TTC39B: variants seen among roughly 807,000 people sequenced by gnomAD.
TTC39B encodes the protein tetratricopeptide repeat protein 39B.
A neutral mutation model predicts 96.6 loss-of-function variants in TTC39B; 92 were observed. That is an observed-to-expected ratio of 0.95 (90% CI 0.80 to 1.13). TTC39B has a LOEUF of 1.13. TTC39B is among the 50% of genes most tolerant of loss of function. TTC39B has a pLI of 0.00. For synonymous variants in TTC39B, 367 were observed against 299.4 expected, an observed-to-expected ratio of 1.23 and a Z score of -2.33; for missense variants, 955 against 809.3, an observed-to-expected ratio of 1.18 and a Z score of -2.18.
chr9:15,186,971 G>C, exon 15 of TTC39B: 1 of 1,613,630 alleles, frequency 6.2e-7, no homozygotes, highest in Non-Finnish European at 8.5e-7. Context: ...ATTCTCATTC[G>C]TTGCTACTAC....
chr9:15,262,729 T>A (rs1275663140), intron 2 of TTC39B, among the ~76,000 whole-genome samples: 2 of 152,192 alleles, frequency 1.3e-5, no homozygotes, highest in African/African-American at 4.8e-5. Flanking sequence ...GCCTCCTTCA[T>A]CTGTTAGTGT....
exon 10 of TTC39B, chr9:15,191,224 C>A (rs776177490): frequency 6.2e-7 from 1 of 1,610,052 alleles, no homozygotes; most frequent in Non-Finnish European, 8.5e-7. Flanking sequence ...TTCTAGTAGT[C>A]TGATAATCCT....
intron 2 of TTC39B, among the ~76,000 whole-genome samples, chr9:15,264,183 G>C (rs567502521): frequency 6.6e-6 from 1 of 152,098 alleles, no homozygotes; most frequent in Non-Finnish European, 1.5e-5. Context: ...AATGCTTCTC[G>C]AATTCCCCAC....
intron 1 of TTC39B, among the ~76,000 whole-genome samples, chr9:15,303,686 A>G (rs760077795): frequency 6.6e-6 from 1 of 151,724 alleles, no homozygotes; most frequent in Non-Finnish European, 1.5e-5. Context: ...CCGCTGGAGT[A>G]CAATGGTGCG....
At chr9:15,247,866 A>AG (rs946735102) in intron 2 of TTC39B, among the ~76,000 whole-genome samples, 95 of 151,070 alleles carry the variant, frequency 6.3e-4, no homozygotes, top group African/African-American at 2.3e-3. Context: ...AAAAAAAACG[A>AG]GGGGGCTCCC....
chr9:15,167,900 A>G (rs772416018), exon 20 of TTC39B: 1 of 152,228 alleles, frequency 6.6e-6, no homozygotes, highest in Non-Finnish European at 1.5e-5. Flanking sequence ...TTAATCTAGT[A>G]CATAAGGAGT....
chr9:15,232,645 A>T (rs1821489942), intron 2 of TTC39B, among the ~76,000 whole-genome samples: 1 of 152,182 alleles, frequency 6.6e-6, no homozygotes, highest in Non-Finnish European at 1.5e-5. Context: ...TAATCCAAGA[A>T]ATGAGGGAAG....
chr9:15,282,061 T>A (rs1285054646), intron 1 of TTC39B, among the ~76,000 whole-genome samples: 1 of 152,198 alleles, frequency 6.6e-6, no homozygotes, highest in African/African-American at 2.4e-5. Flanking sequence ...TTAAAAGAAA[T>A]TTAACTATAA....
intron 16 of TTC39B, among the ~76,000 whole-genome samples, chr9:15,183,693 T>A (rs1426241310): frequency 1.3e-5 from 2 of 152,170 alleles, no homozygotes; most frequent in Non-Finnish European, 2.9e-5. Context: ...ACCTTCCCAG[T>A]GCAAATCACT....
intron 3 of TTC39B, among the ~76,000 whole-genome samples, chr9:15,220,592 G>T (rs1199257057): frequency 6.6e-6 from 1 of 151,944 alleles, no homozygotes; most frequent in Non-Finnish European, 1.5e-5. Context: ...GCAATAAAAG[G>T]AATGATATAA....
chr9:15,299,593 C>T (rs1331188274), intron 1 of TTC39B, among the ~76,000 whole-genome samples: 1 of 152,104 alleles, frequency 6.6e-6, no homozygotes, highest in Non-Finnish European at 1.5e-5. Flanking sequence ...AGGAAAATCT[C>T]TCCCCCAGGA....
chr9:15,178,158 C>T (rs943087263), intron 17 of TTC39B, among the ~76,000 whole-genome samples: 16 of 152,024 alleles, frequency 1.1e-4, no homozygotes, highest in Admixed American at 3.9e-4. Flanking sequence ...CGTGAGCCAC[C>T]GTGCCCGGCC....
intron 3 of TTC39B, among the ~76,000 whole-genome samples, chr9:15,218,976 A>G (rs1820688446): frequency 6.6e-6 from 1 of 152,140 alleles, no homozygotes; most frequent in Non-Finnish European, 1.5e-5. Context: ...CGCTTATGTT[A>G]GACAGGGAAA....
chr9:15,177,867 A>ATAT, intron 17 of TTC39B, 53 bp from the exon 18 acceptor site: 4 of 951,120 alleles, frequency 4.2e-6, no homozygotes, highest in African/African-American at 1.7e-5. Flanking sequence ...ACTTTTTAAG[A>ATAT]TCTTTTTTTT....
intron 7 of TTC39B, among the ~76,000 whole-genome samples, chr9:15,200,405 T>C (rs1166312231): frequency 6.6e-6 from 1 of 152,224 alleles, no homozygotes; most frequent in East Asian, 1.9e-4. Flanking sequence ...CGAATTTTAC[T>C]CACACACATT....
At chr9:15,258,254 G>A (rs1399012454) in intron 2 of TTC39B, among the ~76,000 whole-genome samples, 1 of 152,042 alleles carries the variant, frequency 6.6e-6, no homozygotes, top group Non-Finnish European at 1.5e-5. Flanking sequence ...GTGAACGGAT[G>A]GGAAATATAT....
chr9:15,221,656 G>A (rs1820848893), intron 3 of TTC39B, among the ~76,000 whole-genome samples: 1 of 152,136 alleles, frequency 6.6e-6, no homozygotes, highest in Admixed American at 6.5e-5. Context: ...CTGACCCAGA[G>A]CCACCCCTGT....
At chr9:15,238,910 T>G (rs965144651) in intron 2 of TTC39B, among the ~76,000 whole-genome samples, 1 of 152,168 alleles carries the variant, frequency 6.6e-6, no homozygotes, top group Admixed American at 6.6e-5. Flanking sequence ...CACTTGAGTC[T>G]GGGAGGCATA....
chr9:15,190,604 A>G (rs1383799301), exon 11 of TTC39B: 7 of 1,614,146 alleles, frequency 4.3e-6, no homozygotes, highest in Non-Finnish European at 5.1e-6. Context: ...TAAGCAGCAC[A>G]GTGCAGACCT....
Sources: gnomAD v4.1 joint callset for allele counts (sites outside exome capture counted in the v4.1 genomes callset) on GRCh38, gnomAD v4.1.1 for gene constraint, MANE v1.5 for transcripts, NCBI Gene and HGNC (gene_info 2026-07-23, HGNC 2026-07-21) for gene names.